Variants in USP14 observed in about 807,000 individuals in gnomAD.
USP14 encodes ubiquitin carboxyl-terminal hydrolase 14.
USP14 carries 38 observed loss-of-function variants against 76.5 expected under a neutral mutation model. That is an observed-to-expected ratio of 0.50 (90% CI 0.38 to 0.65). The LOEUF is 0.65. Ranked by LOEUF, USP14 falls within the 30% of genes least tolerant of loss-of-function variation. USP14 has a pLI of 0.00. For synonymous variants in USP14, 192 were observed against 191.7 expected (o/e 1.00, Z -0.01); for missense variants, 467 against 586.5 (o/e 0.80, Z 2.10).
chr18:165,448 A>T (rs1909242865), intron 2 of USP14, among the ~76,000 whole-genome samples: 2 of 152,182 alleles, frequency 1.3e-5, no homozygotes, highest in South Asian at 4.1e-4. Flanking sequence ...TTCATAGCCT[A>T]ATCTATGCTG....
At chr18:207,921 A>T (rs1910572344) in intron 13 of USP14, among the ~76,000 whole-genome samples, 1 of 152,084 alleles carries the variant, frequency 6.6e-6, no homozygotes, top group South Asian at 2.1e-4. Context: ...TTAACTTTGT[A>T]TATGGATCTT....
intron 5 of USP14, among the ~76,000 whole-genome samples, chr18:186,550 C>A (rs1202981183): frequency 6.6e-6 from 1 of 152,190 alleles, no homozygotes; most frequent in Non-Finnish European, 1.5e-5. Flanking sequence ...GTCAGGAGTT[C>A]AAGACCAGCT....
In USP14 at chr18:211,419, C is replaced by A; in HGVS notation, c.*135C>A. 1.1e-6 allele frequency: 1 copy of A among 902,434 alleles called. No homozygotes were observed. Among genetic ancestry groups the A allele is most frequent in the Middle Eastern group, 3.3e-4 (1 of 3,036 alleles). 55.9% of individuals were successfully genotyped at this position (902,434 alleles called of 1,614,324 possible). ...CATTTGGAACAAAAGAGGACAGAAG[C>A]AGACCACTCTGTGCACCAACCTAAA... On this transcript the variant is annotated 3_prime_UTR_variant, in exon 16 of 16. Coordinates refer to ENST00000261601, the MANE Select transcript of USP14 (RefSeq NM_005151.4).
chr18:164,086 C>T (rs1349828586), intron 2 of USP14, among the ~76,000 whole-genome samples: 2 of 152,128 alleles, frequency 1.3e-5, no homozygotes, highest in Admixed American at 6.6e-5. Flanking sequence ...TGTTGTATTA[C>T]CAGATACCTC....
chr18:168,068 G>A (rs1909328606), intron 3 of USP14, among the ~76,000 whole-genome samples: 1 of 150,954 alleles, frequency 6.6e-6, no homozygotes, highest in South Asian at 2.1e-4. Context: ...TGGGATTACA[G>A]GCGCCCACCA....
chr18:193,746 C>T (rs1271579519), intron 6 of USP14, among the ~76,000 whole-genome samples: 2 of 152,202 alleles, frequency 1.3e-5, no homozygotes, highest in Non-Finnish European at 2.9e-5. Context: ...GATTCATCCA[C>T]ATTATGGCAT....
chr18:208,685 G>A (rs564256234), intron 13 of USP14, among the ~76,000 whole-genome samples: 6 of 152,188 alleles, frequency 3.9e-5, no homozygotes, highest in African/African-American at 1.4e-4. Flanking sequence ...TTATGTTTCT[G>A]TTGATTCTAG....
intron 4 of USP14, among the ~76,000 whole-genome samples, chr18:179,586 C>CTTTT (rs535535588): frequency 3.5e-5 from 4 of 114,112 alleles, no homozygotes; most frequent in Non-Finnish European, 7.3e-5. Context: ...TTTTTTTTTG[C>CTTTT]TTTTTTTTTT....
At chr18:170,888 A>G (rs1005547434) in intron 3 of USP14, among the ~76,000 whole-genome samples, 1 of 151,668 alleles carries the variant, frequency 6.6e-6, no homozygotes, top group Non-Finnish European at 1.5e-5. Context: ...CATCAGGATA[A>G]ATAGCTAATG....
chr18:194,500 C>T (rs1910177704), intron 6 of USP14, among the ~76,000 whole-genome samples: 1 of 152,134 alleles, frequency 6.6e-6, no homozygotes. Flanking sequence ...CTTTTAGTCG[C>T]ATTTGGTTTC....
At position 214,278 on chromosome 18, in the gene USP14, G is replaced by C; in HGVS notation, c.*2994G>C. ...AGAAAGTGTTATTCTGGGATTTCAGGATAAATTTTGTAAAACTACTAACAA... is the reference window on the plus strand; with the variant it reads ...AGAAAGTGTTATTCTGGGATTTCAGCATAAATTTTGTAAAACTACTAACAA... On this transcript the variant is annotated 3_prime_UTR_variant, in exon 16 of 16. Coordinates refer to ENST00000261601, the MANE Select transcript of USP14 (RefSeq NM_005151.4). 1 of 194,280 alleles carries C rather than the reference G, an allele frequency of 5.1e-6. No homozygotes were observed. Among genetic ancestry groups the C allele is most frequent in the Non-Finnish European group, 1.1e-5 (1 of 94,602 alleles). 12.0% of individuals were successfully genotyped at this position (194,280 alleles called of 1,614,324 possible). A position where few individuals can be genotyped will look rare whatever the true frequency, so the allele number is the denominator to read the frequency against.
chr18:210,389 T>C lies in USP14; in HGVS notation c.1229T>C (p.Ile410Thr), dbSNP rs372701346. ...ATGGATTTACATCTTTCTTTAGATA[T>C]TGGCTCCAATAATTGTGGATACTAT... ...KYEPFSFADDIGSNNCGYYDL... is the reference protein window; with the variant it reads ...KYEPFSFADDTGSNNCGYYDL... Residue 410 changes from isoleucine (I) to threonine (T), a missense_variant, in exon 15 of 16, where the codon ATT becomes ACT. Physicochemically the swap from Ile to Thr is moderately conservative, Grantham distance 89 (BLOSUM62 -1). Coordinates refer to ENST00000261601, the MANE Select transcript of USP14 (RefSeq NM_005151.4). 6 of 1,596,364 alleles carry C rather than the reference T, an allele frequency of 3.8e-6. No homozygotes were observed. Among genetic ancestry groups the C allele is most frequent in the Non-Finnish European group, 4.3e-6 (5 of 1,171,448 alleles).
chr18:172,382 A>T (rs1426332223), intron 3 of USP14, among the ~76,000 whole-genome samples: 1 of 152,226 alleles, frequency 6.6e-6, no homozygotes, highest in South Asian at 2.1e-4. Flanking sequence ...CTCCTAGTGA[A>T]GAAGCTGTGA....
At chr18:159,831 C>T (rs1309952518) in intron 1 of USP14, among the ~76,000 whole-genome samples, 2 of 152,158 alleles carry the variant, frequency 1.3e-5, no homozygotes, top group Non-Finnish European at 2.9e-5. Flanking sequence ...TGAGCTTTAT[C>T]TTAAATATTT....
chr18:195,138 T>C (rs967916912), intron 6 of USP14, among the ~76,000 whole-genome samples: 2 of 152,146 alleles, frequency 1.3e-5, no homozygotes, highest in Admixed American at 6.5e-5. Context: ...TTGACCTTTT[T>C]CTTTCAAACT....
At chr18:180,389 A>C in intron 5 of USP14, 50 bp downstream of exon 5, 2 of 1,139,874 alleles carry the variant, frequency 1.8e-6, no homozygotes, top group Non-Finnish European at 2.6e-6. Context: ...TTGGATGAGT[A>C]GTATTGTTTT....
At chr18:203,271 T>A (rs1910432352) in intron 12 of USP14, 81 bp downstream of exon 12, 4 of 1,288,158 alleles carry the variant, frequency 3.1e-6, no homozygotes, top group Non-Finnish European at 4.4e-6. Flanking sequence ...TCATTATTCC[T>A]TTAGGAATAG....
intron 5 of USP14, among the ~76,000 whole-genome samples, chr18:184,004 C>G (rs1292007106): frequency 6.6e-6 from 1 of 152,054 alleles, no homozygotes; most frequent in Non-Finnish European, 1.5e-5. Flanking sequence ...TCTTGGATGC[C>G]TTTTAGCCTC....
At chr18:170,114 A>G (rs2144218193) in intron 3 of USP14, among the ~76,000 whole-genome samples, 1 of 152,186 alleles carries the variant, frequency 6.6e-6, no homozygotes, top group Non-Finnish European at 1.5e-5. Flanking sequence ...CAGCCTGGCC[A>G]ATATGGTGAA....
Sources: gnomAD v4.1 joint callset for allele counts (sites outside exome capture counted in the v4.1 genomes callset) on GRCh38, gnomAD v4.1.1 for gene constraint, MANE v1.5 for transcripts, NCBI Gene and HGNC (gene_info 2026-07-23, HGNC 2026-07-21) for gene names.